ACOX2: variants seen among roughly 807,000 people sequenced by gnomAD.
ACOX2 encodes the protein acyl-CoA oxidase 2, also known as peroxisomal acyl-coenzyme A oxidase 2.
A neutral mutation model predicts 77.5 loss-of-function variants in ACOX2; 59 were observed. That is an observed-to-expected ratio of 0.76 (90% CI 0.62 to 0.95). ACOX2 has a LOEUF of 0.95. ACOX2 is among the 40% of genes least tolerant of loss of function. The probability of loss-of-function intolerance (pLI) is 0.00; values close to 1 mark genes in which losing one functional copy is unlikely to be tolerated. For synonymous variants in ACOX2, 317 were observed against 340.1 expected, an observed-to-expected ratio of 0.93 and a Z score of 0.75; for missense variants, 837 against 880.4, an observed-to-expected ratio of 0.95 and a Z score of 0.62.
In ACOX2 at chr3:58,519,307, C is replaced by T. The variant is rs2063343133; in HGVS notation, c.1633-1884G>A. 6.6e-6 allele frequency among the ~76,000 whole-genome samples: 1 copy of T among 151,966 alleles called. No homozygotes were observed. The highest frequency in any genetic ancestry group is 2.4e-5 in the African/African-American group (1 of 41,350). On this transcript the variant is annotated intron_variant, in intron 12 of 14. Transcript: ENST00000302819. This position sits in a 1 kb window ranked among gnomAD's most constrained non-coding sequence, Gnocchi z 5.0. ...GCTGAGGCACAAGAATTGCTTGAAC[C>T]TGGGAGGTGGAGGTTGCAGTGAGCT...
At chr3:58,520,066 G>A (rs1399542369) in intron 12 of ACOX2, among the ~76,000 whole-genome samples, 2 of 152,178 alleles carry the variant, frequency 1.3e-5, no homozygotes, top group African/African-American at 2.4e-5. Flanking sequence ...TTGGCCCCAC[G>A]CTCTGAGCAC....
Position 58,526,711 on chromosome 3 carries a change from C to T in ACOX2, c.1156-55G>A, listed in dbSNP as rs773956508. On this transcript the variant is annotated intron_variant, in intron 9 of 14. Transcript: ENST00000302819. The surrounding 1 kb of genome is among the most constrained non-coding windows in gnomAD (Gnocchi z 4.3). ...TGTTAGGGGGCCTCCACCATAGGGA[C>T]CAACCCTGTGCACCACTTACTGAGC... 6.4e-7 allele frequency: 1 copy of T among 1,571,436 alleles called. No homozygotes were observed. Among genetic ancestry groups the T allele is most frequent in the Admixed American group, 1.7e-5 (1 of 58,308 alleles).
chr3:58,508,973 T>C lies in ACOX2; in HGVS notation c.1903A>G (p.Asn635Asp). The C allele has an allele frequency of 6.2e-7, 1 of 1,614,198 alleles. No homozygotes were observed. Among genetic ancestry groups the C allele is most frequent in the Non-Finnish European group, 8.5e-7 (1 of 1,180,026 alleles). Residue 635 changes from asparagine (N) to aspartate (D), a missense_variant, in exon 14 of 15, where the codon AAT (asparagine) becomes GAT (aspartate). Coordinates refer to ENST00000302819, the MANE Select transcript of ACOX2 (RefSeq NM_003500.4). ...DAFDFTDQCL[N>D]SALGCYDGNV... ...CCATCATAACAGCCAAGTGCTGAATTTAAACACTGATCGGTGAAGTCAAAA... is the reference window on the plus strand; with the variant it reads ...CCATCATAACAGCCAAGTGCTGAATCTAAACACTGATCGGTGAAGTCAAAA...
rs1293899954 is a variant in ACOX2 at position 58,534,593 on chromosome 3, C to G, written c.161-71G>C. On this transcript the variant is annotated intron_variant, in intron 2 of 14. Coordinates refer to ENST00000302819, the MANE Select transcript of ACOX2 (RefSeq NM_003500.4). This position sits in a 1 kb window ranked among gnomAD's most constrained non-coding sequence, Gnocchi z 4.8. ...TCTGGCACCTTGAAATCTTCTCACCCACTTGCTTCATGGATCTGGAAAGGA... is the reference window on the plus strand; with the variant it reads ...TCTGGCACCTTGAAATCTTCTCACCGACTTGCTTCATGGATCTGGAAAGGA... 4 of 1,611,828 alleles carry G rather than the reference C, an allele frequency of 2.5e-6. No homozygotes were observed. Among genetic ancestry groups the G allele is most frequent in the Non-Finnish European group, 3.4e-6 (4 of 1,179,572 alleles).
chr3:58,532,049 C>G (rs1300831856), intron 5 of ACOX2, among the ~76,000 whole-genome samples: 1 of 150,316 alleles, frequency 6.7e-6, no homozygotes, highest in Non-Finnish European at 1.5e-5. Flanking sequence ...ATGAATTACT[C>G]TGTCATCAAC....
At position 58,531,507 on chromosome 3, in the gene ACOX2, C is replaced by T; in HGVS notation, c.704-141G>A. The T allele has an allele frequency of 8.1e-7, 1 of 1,230,386 alleles. No homozygotes were observed. Among genetic ancestry groups the T allele is most frequent in the Non-Finnish European group, 1.1e-6 (1 of 880,804 alleles). 76.2% of individuals were successfully genotyped at this position (1,230,386 alleles called of 1,614,324 possible). On this transcript the variant is annotated intron_variant, in intron 6 of 14. Coordinates refer to ENST00000302819, the MANE Select transcript of ACOX2 (RefSeq NM_003500.4). This position sits in a 1 kb window ranked among gnomAD's most constrained non-coding sequence, Gnocchi z 5.8. ...ATTTTGCAGGTGAACAAGCTGAGGT[C>T]AGAAAGATGCTAAATCTTGCTCAAG... is the stretch of plus-strand genomic sequence containing the variant.
intron 13 of ACOX2, chr3:58,511,165 C>G (rs188927902): frequency 1.3e-4 from 50 of 389,270 alleles, no homozygotes; most frequent in African/African-American, 9.7e-4. Context: ...CCCTCCTTGT[C>G]TACTAGATGT....
chr3:58,531,819 G>T lies in ACOX2; in HGVS notation c.584-7C>A, dbSNP rs1267892836. Reference sequence around the variant, plus strand: ...TGGGTGGCTGACCGTCCCACTGAGGGCAGAGAGAGTAGCGGCCCGTCACAG... The same window carrying T: ...TGGGTGGCTGACCGTCCCACTGAGGTCAGAGAGAGTAGCGGCCCGTCACAG... On this transcript the variant is annotated splice_polypyrimidine_tract_variant and splice_region_variant and intron_variant, in intron 5 of 14. Transcript: ENST00000302819. This position sits in a 1 kb window ranked among gnomAD's most constrained non-coding sequence, Gnocchi z 5.8. The T allele has an allele frequency of 6.2e-7, 1 of 1,612,022 alleles. No homozygotes were observed. The highest frequency in any genetic ancestry group is 2.2e-5 in the East Asian group (1 of 44,854).
In ACOX2 at chr3:58,522,622, G is replaced by C. The variant is rs1253175403; in HGVS notation, c.1527-21C>G. Reference sequence around the variant, plus strand: ...TGAGCCTGAAAGCCAAAGCAAAAAAGGTTCAGCTTCCTGACTGAGTGGAAA... The same window carrying C: ...TGAGCCTGAAAGCCAAAGCAAAAAACGTTCAGCTTCCTGACTGAGTGGAAA... On this transcript the variant is annotated intron_variant, in intron 11 of 14. Transcript: ENST00000302819. This position sits in a 1 kb window ranked among gnomAD's most constrained non-coding sequence, Gnocchi z 4.3. 3.1e-6 allele frequency: 5 copies of C among 1,610,852 alleles called. No homozygotes were observed. The South Asian group carries it at 4.4e-5, about 14-fold the overall frequency.
Position 58,508,878 on chromosome 3 carries a change from G to A in ACOX2, c.1983+15C>T, listed in dbSNP as rs1049479762. 1.2e-6 allele frequency: 2 copies of A among 1,613,648 alleles called. No homozygotes were observed. Among genetic ancestry groups the A allele is most frequent in the African/African-American group, 2.7e-5 (2 of 74,912 alleles). On this transcript the variant is annotated intron_variant, in intron 14 of 14. Transcript: ENST00000302819. ...TGCTTTCTTACATAATTTATAATGT[G>A]TTCCACTCAACTACCTGAGTATTGG...
chr3:58,532,178 T>G (rs930038248), intron 5 of ACOX2, among the ~76,000 whole-genome samples: 1 of 152,114 alleles, frequency 6.6e-6, no homozygotes, highest in African/African-American at 2.4e-5. Flanking sequence ...ATTTTCCAGT[T>G]AAGGAAACAG....
chr3:58,508,142 A>G (rs1283522077), intron 14 of ACOX2, among the ~76,000 whole-genome samples: 2 of 152,196 alleles, frequency 1.3e-5, no homozygotes, highest in East Asian at 1.9e-4. Flanking sequence ...TCCTGTTAAC[A>G]TATTCATTGA....
chr3:58,514,662 G>A lies in ACOX2; in HGVS notation c.1850+2544C>T, dbSNP rs1014176682. 3.3e-5 allele frequency among the ~76,000 whole-genome samples: 5 copies of A among 152,194 alleles called. No individual in the cohort carries two copies. Among genetic ancestry groups the A allele is most frequent in the African/African-American group, 9.7e-5 (4 of 41,444 alleles). On this transcript the variant is annotated intron_variant, in intron 13 of 14. Coordinates refer to ENST00000302819, the MANE Select transcript of ACOX2 (RefSeq NM_003500.4). This position sits in a 1 kb window ranked among gnomAD's most constrained non-coding sequence, Gnocchi z 4.3. ...AAGTAAATCAATTTCTGGGTTTGAC[G>A]CATGAGTAAGTTGGCAGATTGCATC...
In ACOX2 at chr3:58,521,145, CAGTT is replaced by C. The variant is rs1197799611; in HGVS notation, c.1632+1347_1632+1350del. Among the ~76,000 whole-genome samples the C allele has an allele frequency of 6.6e-6, 1 of 152,188 alleles. No homozygotes were observed. Among genetic ancestry groups the C allele is most frequent in the Non-Finnish European group, 1.5e-5 (1 of 68,024 alleles). On this transcript the variant is annotated intron_variant, in intron 12 of 14. Coordinates refer to ENST00000302819, the MANE Select transcript of ACOX2 (RefSeq NM_003500.4). This position sits in a 1 kb window ranked among gnomAD's most constrained non-coding sequence, Gnocchi z 4.8. ...TGGCTCACCCTCTGTGTTGACAGGA[CAGTT>C]AGCACAGCAGGGGGTGCCCCTGCTG...
At position 58,525,942 on chromosome 3, in the gene ACOX2, G is replaced by C. The variant is rs1182212070; in HGVS notation, c.1346+524C>G. On this transcript the variant is annotated intron_variant, in intron 10 of 14. Coordinates refer to ENST00000302819, the MANE Select transcript of ACOX2 (RefSeq NM_003500.4). The surrounding 1 kb of genome is among the most constrained non-coding windows in gnomAD (Gnocchi z 5.0). ...TAAGGCAGGAGAATTGCTTGAACCCGGCGGGCAGAGGTTGCAGTGAGCCGA... is the reference window on the plus strand; with the variant it reads ...TAAGGCAGGAGAATTGCTTGAACCCCGCGGGCAGAGGTTGCAGTGAGCCGA... 1.3e-5 allele frequency among the ~76,000 whole-genome samples: 2 copies of C among 152,036 alleles called. No individual in the cohort carries two copies. The highest frequency in any genetic ancestry group is 4.8e-5 in the African/African-American group (2 of 41,386).
chr3:58,522,166 G>A lies in ACOX2; in HGVS notation c.1632+330C>T, dbSNP rs949827831. On this transcript the variant is annotated intron_variant, in intron 12 of 14. Coordinates refer to ENST00000302819, the MANE Select transcript of ACOX2 (RefSeq NM_003500.4). This position sits in a 1 kb window ranked among gnomAD's most constrained non-coding sequence, Gnocchi z 4.3. ...TGAATTATGCAGAAACACAAAACGA[G>A]TGGAAATGGAATCAGACATCCAAGG... Among the ~76,000 whole-genome samples, 2 of 152,236 alleles carry A rather than the reference G, an allele frequency of 1.3e-5. No homozygotes were observed. The highest frequency in any genetic ancestry group is 2.9e-5 in the Non-Finnish European group (2 of 68,052).
chr3:58,509,293 C>T (rs977643992), intron 13 of ACOX2, among the ~76,000 whole-genome samples: 9 of 151,970 alleles, frequency 5.9e-5, no homozygotes, highest in African/African-American at 1.7e-4. Context: ...TTTGGGAGGC[C>T]GAAGTAGGTG....
In ACOX2 at chr3:58,537,167, C is replaced by T. The variant is rs886094442; in HGVS notation, c.-140G>A. The T allele has an allele frequency of 3.9e-5, 6 of 152,566 alleles. No homozygotes were observed. The highest frequency in any genetic ancestry group is 8.8e-5 in the Non-Finnish European group (6 of 68,334). 9.5% of individuals were successfully genotyped at this position (152,566 alleles called of 1,614,324 possible). A position where few individuals can be genotyped will look rare whatever the true frequency, so the allele number is the denominator to read the frequency against. ...CGCACTGTAGGCCGGGCTGGCCTCTCCCCGGCTGTAGGCCGCAGCCTCTGG... is the reference window on the plus strand; with the variant it reads ...CGCACTGTAGGCCGGGCTGGCCTCTTCCCGGCTGTAGGCCGCAGCCTCTGG... On this transcript the variant is annotated 5_prime_UTR_variant, in exon 1 of 15. Transcript: ENST00000302819.
At chr3:58,527,584 A>G (rs1364095021) in intron 9 of ACOX2, among the ~76,000 whole-genome samples, 1 of 151,676 alleles carries the variant, frequency 6.6e-6, no homozygotes, top group Non-Finnish European at 1.5e-5. Flanking sequence ...ATTTGAGGAC[A>G]CAGCAAAAAG....
Sources: allele counts gnomAD v4.1 joint callset (sites outside exome capture counted in the v4.1 genomes callset), GRCh38; gene constraint gnomAD v4.1.1; non-coding constraint Gnocchi (gnomAD v3.1); transcripts MANE v1.5; gene names NCBI Gene and HGNC (gene_info 2026-07-23, HGNC 2026-07-21).